The following ROBO2 variants were observed in gnomAD, a reference collection of about 807,000 sequenced individuals.
ROBO2 encodes roundabout homolog 2.
In ROBO2, 53 loss-of-function variants were observed where a neutral mutation model predicts 160.8. The observed-to-expected ratio is 0.33, with a 90% CI of 0.26 to 0.41. The LOEUF (loss-of-function observed/expected upper bound fraction) is 0.41, where lower values mean the gene tolerates loss of function less well. ROBO2 is among the 10% of genes least tolerant of loss of function. The pLI is 1.00. For synonymous variants in ROBO2, 664 were observed against 611.7 expected, an observed-to-expected ratio of 1.09 and a Z score of -1.26; for missense variants, 1,577 against 1,722.4, an observed-to-expected ratio of 0.92 and a Z score of 1.49.
intron 2 of ROBO2, among the ~76,000 whole-genome samples, chr3:76,045,687 C>T (rs1251097990): frequency 6.6e-6 from 1 of 151,920 alleles, no homozygotes; most frequent in African/African-American, 2.4e-5. Context: ...TTATTTTGTG[C>T]ATCAAGTTGT....
At chr3:76,436,365 T>C (rs1207291065) in intron 2 of ROBO2, among the ~76,000 whole-genome samples, 3 of 152,206 alleles carry the variant, frequency 2.0e-5, no homozygotes, top group African/African-American at 7.2e-5. Context: ...ACCTGTCACC[T>C]GTCTTCACTG....
At chr3:76,884,387 A>G (rs1035855743) in intron 2 of ROBO2, among the ~76,000 whole-genome samples, 1 of 152,212 alleles carries the variant, frequency 6.6e-6, no homozygotes, top group Non-Finnish European at 1.5e-5. Context: ...ATACAGAGAT[A>G]AATAAGAGAC....
chr3:77,354,585 A>T (rs1370166164), intron 2 of ROBO2, among the ~76,000 whole-genome samples: 1 of 152,216 alleles, frequency 6.6e-6, no homozygotes, highest in Non-Finnish European at 1.5e-5. Context: ...TGAAATGTCC[A>T]TATTTTCATG....
intron 2 of ROBO2, among the ~76,000 whole-genome samples, chr3:76,955,954 TC>T (rs1217281304): frequency 6.6e-6 from 1 of 151,932 alleles, no homozygotes; most frequent in African/African-American, 2.4e-5. Flanking sequence ...TTAAAATGTT[TC>T]TTACTCAGTG....
intron 2 of ROBO2, among the ~76,000 whole-genome samples, chr3:76,323,624 T>C (rs1353496890): frequency 6.6e-6 from 1 of 152,094 alleles, no homozygotes; most frequent in African/African-American, 2.4e-5. Context: ...ATCACATATA[T>C]AAAATTGGAG....
chr3:76,997,405 A>G lies in ROBO2; in HGVS notation c.110-100609A>G, dbSNP rs556716068. Among the ~76,000 whole-genome samples, 11 of 152,248 alleles carry G rather than the reference A, an allele frequency of 7.2e-5. No homozygotes were observed. The South Asian group carries it at 1.7e-3, about 23-fold the overall frequency. Reference sequence around the variant, plus strand: ...GCTTATTGAACAGTATAATATGTGAAGTCAGTTGTGGGGTCTAATGTTCTT... The same window carrying G: ...GCTTATTGAACAGTATAATATGTGAGGTCAGTTGTGGGGTCTAATGTTCTT... On this transcript the variant is annotated intron_variant, in intron 2 of 26. Transcript: ENST00000487694.
At chr3:77,377,093 C>T (rs1231715187) in intron 2 of ROBO2, among the ~76,000 whole-genome samples, 7 of 151,982 alleles carry the variant, frequency 4.6e-5, no homozygotes, top group Admixed American at 1.3e-4. Context: ...TGAGTTTGAC[C>T]AAAAGCTGAT....
intron 2 of ROBO2, among the ~76,000 whole-genome samples, chr3:76,646,735 T>C (rs906661212): frequency 1.3e-5 from 2 of 152,164 alleles, no homozygotes; most frequent in African/African-American, 4.8e-5. Context: ...CTGAAAGTTA[T>C]GGATGGGCCA....
chr3:76,942,343 G>A (rs1184933982), intron 2 of ROBO2, among the ~76,000 whole-genome samples: 1 of 152,190 alleles, frequency 6.6e-6, no homozygotes, highest in Non-Finnish European at 1.5e-5. Context: ...CATGGACTAA[G>A]TAGAACATGC....
At position 77,331,685 on chromosome 3, in the gene ROBO2, A is replaced by C. The variant is rs149824674; in HGVS notation, c.389-145729A>C. Among the ~76,000 whole-genome samples, 497 of 132,320 alleles carry C rather than the reference A, an allele frequency of 3.8e-3. 4 individuals are homozygous for C. Among genetic ancestry groups the C allele is most frequent in the African/African-American group, 0.011 (438 of 39,296 alleles). The allele number at this position is 132,320 out of a possible 152,430, so 86.8% of individuals were successfully genotyped here. A position where few individuals can be genotyped will look rare whatever the true frequency, so the allele number is the denominator to read the frequency against. ...CTGTTTTTACAAGCTTGAAAGGCCT[A>C]TTTATTTACTTATTTATTTATTTAT... On this transcript the variant is annotated intron_variant, in intron 2 of 25. Transcript: ENST00000461745.
intron 2 of ROBO2, among the ~76,000 whole-genome samples, chr3:76,409,047 A>G (rs980574740): frequency 1.3e-5 from 2 of 152,072 alleles, no homozygotes; most frequent in African/African-American, 4.8e-5. Flanking sequence ...TCTGTAGTCA[A>G]AAATGTTTAG....
intron 2 of ROBO2, among the ~76,000 whole-genome samples, chr3:77,461,774 C>T (rs924725170): frequency 6.6e-5 from 10 of 151,074 alleles, no homozygotes; most frequent in African/African-American, 2.4e-4. Context: ...TGTTGCCAGG[C>T]TGGAGTGCAG....
intron 2 of ROBO2, among the ~76,000 whole-genome samples, chr3:76,266,223 A>G (rs891304620): frequency 1.3e-4 from 20 of 152,152 alleles, no homozygotes; most frequent in Non-Finnish European, 2.9e-4. Context: ...ATCATGGTGC[A>G]TGATCCTTTT....
intron 2 of ROBO2, among the ~76,000 whole-genome samples, chr3:77,454,883 A>G (rs1000477035): frequency 2.0e-5 from 3 of 152,210 alleles, no homozygotes; most frequent in African/African-American, 7.2e-5. Context: ...TTTGAAGATC[A>G]TGGTTGAGTT....
chr3:76,658,066 GAATAAATAAATA>G (rs199659732), intron 2 of ROBO2, among the ~76,000 whole-genome samples: 13,420 of 131,602 alleles, frequency 0.1, 827 homozygotes, highest in East Asian at 0.25. Context: ...GATCCTGTCT[GAATAAATAAATA>G]AATAAATAAA....
intron 5 of ROBO2, among the ~76,000 whole-genome samples, chr3:77,509,714 A>T (rs1419234063): frequency 6.6e-6 from 1 of 152,022 alleles, no homozygotes; most frequent in Admixed American, 6.6e-5. Flanking sequence ...GCAATATTTG[A>T]TGCCGATGAG....
At chr3:76,179,427 T>G (rs1468501148) in intron 2 of ROBO2, among the ~76,000 whole-genome samples, 1 of 152,218 alleles carries the variant, frequency 6.6e-6, no homozygotes, top group Non-Finnish European at 1.5e-5. Context: ...CTGAATTACT[T>G]AAGTCAGGAA....
rs142967308 is a variant in ROBO2 at position 76,591,750 on chromosome 3, T to A, written c.110-506264T>A. ...GGGAACATTTTCTCTGACTAAACAT[T>A]GCAGAAAAATGTTTATGAACTAGAT... On this transcript the variant is annotated intron_variant, in intron 2 of 26. Transcript: ENST00000487694. 1.4e-4 allele frequency among the ~76,000 whole-genome samples: 22 copies of A among 152,262 alleles called. No homozygotes were observed. In the East Asian group the frequency reaches 3.7e-3, roughly 25 times the overall value.
intron 2 of ROBO2, among the ~76,000 whole-genome samples, chr3:76,796,808 A>T (rs1430453159): frequency 6.6e-6 from 1 of 152,072 alleles, no homozygotes; most frequent in Non-Finnish European, 1.5e-5. Context: ...CTACATTTGG[A>T]TCATACAAAA....
Sources: gnomAD v4.1 joint callset for allele counts (sites outside exome capture counted in the v4.1 genomes callset) on GRCh38, gnomAD v4.1.1 for gene constraint, MANE v1.5 for transcripts, NCBI Gene and HGNC (gene_info 2026-07-23, HGNC 2026-07-21) for gene names.